GALNT5: variants seen among roughly 807,000 people sequenced by gnomAD.
GALNT5 encodes UDP-GalNAc:polypeptide N-acetylgalactosaminyltransferase 5.
Under a neutral mutation model 85.4 loss-of-function variants are expected in GALNT5, and 72 were observed. The observed-to-expected ratio is 0.84, with a 90% CI of 0.70 to 1.03. The LOEUF is 1.03. Among genes scored for constraint, GALNT5 ranks in the 50% least tolerant of loss-of-function variants. The pLI is 0.00. For synonymous variants in GALNT5, 404 were observed against 397.0 expected, an observed-to-expected ratio of 1.02 and a Z score of -0.21; for missense variants, 1,137 against 1,135.5, an observed-to-expected ratio of 1.00 and a Z score of -0.02.
At chr2:157,273,284 C>G (rs1682632488) in intron 1 of GALNT5, among the ~76,000 whole-genome samples, 1 of 152,066 alleles carries the variant, frequency 6.6e-6, no homozygotes, top group African/African-American at 2.4e-5. Flanking sequence ...TTGTCCAGTT[C>G]CAAAATTGTC....
chr2:157,299,681 T>A lies in GALNT5; in HGVS notation c.2115+16T>A. The A allele has an allele frequency of 7.5e-7, 1 of 1,334,720 alleles. No homozygotes were observed. The highest frequency in any genetic ancestry group is 1.1e-6 in the Non-Finnish European group (1 of 934,738). 82.7% of individuals were successfully genotyped at this position (1,334,720 alleles called of 1,614,324 possible). ...CTCATTCAAGGTATTACCAGGTGTT[T>A]CCCAACTTTTCTTTACGATAATGAG... On this transcript the variant is annotated intron_variant, in intron 6 of 9. Coordinates refer to ENST00000259056, the MANE Select transcript of GALNT5 (RefSeq NM_014568.3).
intron 1 of GALNT5, among the ~76,000 whole-genome samples, chr2:157,265,853 A>G (rs1682448071): frequency 6.6e-6 from 1 of 152,248 alleles, no homozygotes; most frequent in African/African-American, 2.4e-5. Flanking sequence ...CAGCTATATT[A>G]TACCAAACTC....
chr2:157,317,519 A>G lies in GALNT5; in HGVS notation c.*6171A>G, dbSNP rs1683742190. 6.6e-6 allele frequency among the ~76,000 whole-genome samples: 1 copy of G among 152,126 alleles called. No homozygotes were observed. Among genetic ancestry groups the G allele is most frequent in the Non-Finnish European group, 1.5e-5 (1 of 67,974 alleles). Reference sequence around the variant, plus strand: ...AGCTTAAAAACAAGAGAAGCCAAAGATTAAGTAAGTGAATTGTGTTAAAGA... The same window carrying G: ...AGCTTAAAAACAAGAGAAGCCAAAGGTTAAGTAAGTGAATTGTGTTAAAGA... On this transcript the variant is annotated 3_prime_UTR_variant, in exon 10 of 10. Coordinates refer to ENST00000259056, the MANE Select transcript of GALNT5 (RefSeq NM_014568.3).
At chr2:157,265,797 G>A (rs1270919518) in intron 1 of GALNT5, among the ~76,000 whole-genome samples, 1 of 152,140 alleles carries the variant, frequency 6.6e-6, no homozygotes, top group East Asian at 1.9e-4. Flanking sequence ...GTATTTTGCT[G>A]TTTGCTTTCG....
chr2:157,280,567 G>T (rs533598384), intron 1 of GALNT5, among the ~76,000 whole-genome samples: 44 of 152,328 alleles, frequency 2.9e-4, no homozygotes, highest in African/African-American at 1.0e-3. Context: ...AATTTGTCAT[G>T]GCAGTCAGAA....
At chr2:157,271,284 A>AGGTGGAGTGTGTGAGGGGAG (rs1558891602) in intron 1 of GALNT5, among the ~76,000 whole-genome samples, 1 of 152,228 alleles carries the variant, frequency 6.6e-6, no homozygotes, top group Admixed American at 6.5e-5. Context: ...AAGAAGGCCA[A>AGGTGGAGTGTGTGAGGGGAG]GGTGGAGTGT....
Position 157,297,337 on chromosome 2 carries a change from A to T in GALNT5, c.1997+824A>T, listed in dbSNP as rs138402750. On this transcript the variant is annotated intron_variant, in intron 5 of 9. Transcript: ENST00000259056. ...CAAGCAAAGAAGTGAAGGTTCTACC[A>T]TTTATTGAGCACTCTGTGCCAGGCA... 3.2e-4 allele frequency among the ~76,000 whole-genome samples: 48 copies of T among 152,334 alleles called. No homozygotes were observed. In the East Asian group the frequency reaches 6.4e-3, roughly 20 times the overall value.
intron 1 of GALNT5, among the ~76,000 whole-genome samples, chr2:157,261,072 T>C (rs1367603709): frequency 6.6e-6 from 1 of 152,220 alleles, no homozygotes; most frequent in Non-Finnish European, 1.5e-5. Context: ...AAAAATTGTG[T>C]TGGCCCAGCT....
chr2:157,311,432 AG>A lies in GALNT5; in HGVS notation c.*85del. 1.1e-6 allele frequency: 1 copy of A among 909,306 alleles called. No homozygotes were observed. Among genetic ancestry groups the A allele is most frequent in the Non-Finnish European group, 1.6e-6 (1 of 614,826 alleles). The allele number at this position is 909,306 out of a possible 1,614,324, so 56.3% of individuals were successfully genotyped here. On this transcript the variant is annotated 3_prime_UTR_variant, in exon 10 of 10. Transcript: ENST00000259056. ...CTTGGAAACTATATTTCTCAGCGGT[AG>A]TTTAAATTTTCAATTTTAATAACAT... is the stretch of plus-strand genomic sequence containing the variant.
intron 1 of GALNT5, among the ~76,000 whole-genome samples, chr2:157,279,910 G>A (rs1682821788): frequency 1.3e-5 from 2 of 152,166 alleles, no homozygotes; most frequent in Non-Finnish European, 2.9e-5. Flanking sequence ...CAATCACGCT[G>A]GGAGCTGCAG....
At chr2:157,290,269 T>C (rs1683072373) in intron 3 of GALNT5, among the ~76,000 whole-genome samples, 1 of 151,912 alleles carries the variant, frequency 6.6e-6, no homozygotes, top group East Asian at 1.9e-4. Flanking sequence ...GACAGCAGGG[T>C]CTGTGGCCTA....
Position 157,318,304 on chromosome 2 carries a change from CTGA to C in GALNT5, c.*6961_*6963del, listed in dbSNP as rs1683766519. Among the ~76,000 whole-genome samples, 1 of 152,060 alleles carries C rather than the reference CTGA, an allele frequency of 6.6e-6. No individual in the cohort carries two copies. Among genetic ancestry groups the C allele is most frequent in the African/African-American group, 2.4e-5 (1 of 41,410 alleles). On this transcript the variant is annotated 3_prime_UTR_variant, in exon 10 of 10. Coordinates refer to ENST00000259056, the MANE Select transcript of GALNT5 (RefSeq NM_014568.3). ...GTCAGCATAGTTTAAATGTATTACT[CTGA>C]TGATTACAGAGATTTCTTCAAGTTG... is the stretch of plus-strand genomic sequence containing the variant.
At chr2:157,298,272 G>C (rs1469514261) in intron 5 of GALNT5, among the ~76,000 whole-genome samples, 1 of 152,118 alleles carries the variant, frequency 6.6e-6, no homozygotes, top group East Asian at 1.9e-4. Flanking sequence ...TGGGTCTAGG[G>C]GCAGGGGATC....
At chr2:157,309,298 C>T (rs1683520500) in intron 9 of GALNT5, among the ~76,000 whole-genome samples, 1 of 152,196 alleles carries the variant, frequency 6.6e-6, no homozygotes, top group African/African-American at 2.4e-5. Flanking sequence ...ACATTGGTAG[C>T]TGGAAACTGG....
In GALNT5 at chr2:157,308,551, T is replaced by C. The variant is rs1315656075; in HGVS notation, c.2521-16T>C. 1 of 1,593,718 alleles carries C rather than the reference T, an allele frequency of 6.3e-7. No individual in the cohort carries two copies. Among genetic ancestry groups the C allele is most frequent in the Admixed American group, 1.8e-5 (1 of 54,766 alleles). Reference sequence around the variant, plus strand: ...TTTGCTGCCTGAAGTGACCTCTTTATTCATTTCCCCCACAGCTTCAACAAT... The same window carrying C: ...TTTGCTGCCTGAAGTGACCTCTTTACTCATTTCCCCCACAGCTTCAACAAT... On this transcript the variant is annotated splice_polypyrimidine_tract_variant and intron_variant, in intron 8 of 9. Transcript: ENST00000259056.
intron 1 of GALNT5, among the ~76,000 whole-genome samples, chr2:157,271,798 T>C (rs1199783952): frequency 6.6e-6 from 1 of 152,148 alleles, no homozygotes; most frequent in Non-Finnish European, 1.5e-5. Flanking sequence ...TGGATATAAG[T>C]TAAGTCTGCA....
In GALNT5 at chr2:157,316,054, C is replaced by T. The variant is rs536938950; in HGVS notation, c.*4706C>T. 8.7e-4 allele frequency among the ~76,000 whole-genome samples: 132 copies of T among 152,158 alleles called. No individual in the cohort carries two copies. The highest frequency in any genetic ancestry group is 2.9e-3 in the African/African-American group (120 of 41,522). On this transcript the variant is annotated 3_prime_UTR_variant, in exon 10 of 10. Transcript: ENST00000259056. ...TACATAGCCGGTGAAAAGACTGGCC[C>T]TCCCACCCTAACCTTTTATTATGCA... is the stretch of plus-strand genomic sequence containing the variant.
chr2:157,285,568 A>AAGGGG (rs1429801169), intron 2 of GALNT5, among the ~76,000 whole-genome samples: 5 of 152,182 alleles, frequency 3.3e-5, no homozygotes, highest in Non-Finnish European at 5.9e-5. Context: ...GAAAAGGTGT[A>AAGGGG]ATGGAAGGGG....
chr2:157,272,296 A>G (rs1276623768), intron 1 of GALNT5, among the ~76,000 whole-genome samples: 1 of 152,082 alleles, frequency 6.6e-6, no homozygotes, highest in African/African-American at 2.4e-5. Flanking sequence ...CTACCCTCCT[A>G]TTTCTTTCTT....
Sources: gnomAD v4.1 joint callset for allele counts (sites outside exome capture counted in the v4.1 genomes callset) on GRCh38, gnomAD v4.1.1 for gene constraint, MANE v1.5 for transcripts, NCBI Gene and HGNC (gene_info 2026-07-23, HGNC 2026-07-21) for gene names.